ASCC3: variants seen among roughly 807,000 people sequenced by gnomAD.
ASCC3 encodes the protein ASC-1 complex subunit P200.
ASCC3 carries 158 observed loss-of-function variants against 256.3 expected under a neutral mutation model. The observed-to-expected ratio is 0.62, with a 90% CI of 0.54 to 0.70. The LOEUF (loss-of-function observed/expected upper bound fraction) is 0.70, where lower values mean the gene tolerates loss of function less well. Ranked by LOEUF, ASCC3 falls within the 30% of genes least tolerant of loss-of-function variation. The probability of loss-of-function intolerance (pLI) is 0.00; values close to 1 mark genes in which losing one functional copy is unlikely to be tolerated. For synonymous variants in ASCC3, 948 were observed against 883.4 expected (o/e 1.07, Z -1.30); for missense variants, 2,259 against 2,626.0 (o/e 0.86, Z 3.05).
chr6:100,594,509 A>G (rs1367610961), intron 34 of ASCC3, among the ~76,000 whole-genome samples: 2 of 152,150 alleles, frequency 1.3e-5, no homozygotes, highest in African/African-American at 4.8e-5. Flanking sequence ...AACACAGACA[A>G]TAATAAAAAG....
At chr6:100,831,915 A>G (rs375093433) in intron 4 of ASCC3, among the ~76,000 whole-genome samples, 1 of 152,262 alleles carries the variant, frequency 6.6e-6, no homozygotes, top group Middle Eastern at 3.4e-3. Context: ...GGATATAAAA[A>G]GAAACATGCA....
At chr6:100,679,069 T>C (rs2114963396) in intron 14 of ASCC3, among the ~76,000 whole-genome samples, 1 of 152,334 alleles carries the variant, frequency 6.6e-6, no homozygotes, top group African/African-American at 2.4e-5. Context: ...GATTCTGGTT[T>C]GGCGAGTCCG....
chr6:100,640,063 C>G (rs558152302), intron 24 of ASCC3, among the ~76,000 whole-genome samples: 1 of 152,080 alleles, frequency 6.6e-6, no homozygotes, highest in East Asian at 1.9e-4. Flanking sequence ...TGCAGTGAGC[C>G]CAGATCATCC....
At position 100,722,659 on chromosome 6, in the gene ASCC3, T is replaced by C. The variant is rs548877462; in HGVS notation, c.1902+2880A>G. On this transcript the variant is annotated intron_variant, in intron 11 of 41. Coordinates refer to ENST00000369162, the MANE Select transcript of ASCC3 (RefSeq NM_006828.4). The stretch of plus-strand genomic sequence containing the variant: ...TTCATTAACTGAATGAATGAATGAA[T>C]AAAAACATAAATATACTGCACATGT... 1.6e-3 allele frequency among the ~76,000 whole-genome samples: 239 copies of C among 151,904 alleles called. 2 individuals carry two copies. Among genetic ancestry groups the C allele is most frequent in the Middle Eastern group, 3.4e-3 (1 of 294 alleles).
intron 10 of ASCC3, among the ~76,000 whole-genome samples, chr6:100,755,366 C>CTTTTTT (rs56147910): frequency 6.7e-6 from 1 of 149,062 alleles, no homozygotes. Flanking sequence ...TGTGCTTCCT[C>CTTTTTT]TTTTTTTTTT....
intron 36 of ASCC3, among the ~76,000 whole-genome samples, chr6:100,565,598 A>C (rs891164406): frequency 1.3e-5 from 2 of 152,092 alleles, no homozygotes; most frequent in African/African-American, 4.8e-5. Context: ...GTGAAGGTTC[A>C]TTTTTTTACA....
intron 8 of ASCC3, among the ~76,000 whole-genome samples, chr6:100,792,306 T>C (rs1769387409): frequency 6.6e-6 from 1 of 151,962 alleles, no homozygotes; most frequent in Admixed American, 6.6e-5. Flanking sequence ...ACAATACATC[T>C]GAATAATTTA....
chr6:100,746,264 T>A (rs933100581), intron 10 of ASCC3, among the ~76,000 whole-genome samples: 1 of 151,788 alleles, frequency 6.6e-6, no homozygotes, highest in Non-Finnish European at 1.5e-5. Flanking sequence ...ATTTTACTTA[T>A]GCCATACTGC....
chr6:100,852,084 A>AC (rs1421166971), intron 3 of ASCC3, among the ~76,000 whole-genome samples: 1 of 152,164 alleles, frequency 6.6e-6, no homozygotes, highest in Non-Finnish European at 1.5e-5. Flanking sequence ...CAGACGAAGG[A>AC]CCCCAGGTGC....
chr6:100,739,195 T>C (rs980116733), intron 10 of ASCC3, among the ~76,000 whole-genome samples: 10 of 152,216 alleles, frequency 6.6e-5, no homozygotes, highest in African/African-American at 1.9e-4. Flanking sequence ...TCTATTGAGA[T>C]ATTCATGTGG....
intron 8 of ASCC3, among the ~76,000 whole-genome samples, chr6:100,772,588 G>A (rs1781996540): frequency 6.6e-6 from 1 of 152,178 alleles, no homozygotes; most frequent in Non-Finnish European, 1.5e-5. Context: ...ATACTCAGAA[G>A]AGATCACAGT....
intron 4 of ASCC3, among the ~76,000 whole-genome samples, chr6:100,815,339 C>A (rs1770689335): frequency 6.6e-6 from 1 of 151,854 alleles, no homozygotes; most frequent in African/African-American, 2.4e-5. Context: ...GGCCATACTG[C>A]CAAAACAATT....
intron 4 of ASCC3, among the ~76,000 whole-genome samples, chr6:100,840,059 C>T (rs1772062827): frequency 6.6e-6 from 1 of 152,066 alleles, no homozygotes; most frequent in Admixed American, 6.6e-5. Context: ...AAATTTTATC[C>T]CTTTTAAAGT....
At chr6:100,773,246 A>G (rs1364850750) in intron 8 of ASCC3, among the ~76,000 whole-genome samples, 1 of 152,168 alleles carries the variant, frequency 6.6e-6, no homozygotes, top group Non-Finnish European at 1.5e-5. Flanking sequence ...AATTAATGGT[A>G]GCTATTATTA....
Position 100,699,422 on chromosome 6 carries a change from C to T in ASCC3, c.2151+16040G>A, listed in dbSNP as rs370772703. Among the ~76,000 whole-genome samples, 8 of 152,284 alleles carry T rather than the reference C, an allele frequency of 5.3e-5. No individual in the cohort carries two copies. The East Asian group carries it at 1.2e-3, about 22-fold the overall frequency. Reference sequence around the variant, plus strand: ...CCTTCTGCCATGACTGTGAGGCCTCCTCAGCCATGTGGAACTGTAAGTATG... The same window carrying T: ...CCTTCTGCCATGACTGTGAGGCCTCTTCAGCCATGTGGAACTGTAAGTATG... On this transcript the variant is annotated intron_variant, in intron 13 of 41. Transcript: ENST00000369162.
intron 3 of ASCC3, among the ~76,000 whole-genome samples, chr6:100,851,285 T>C (rs967788285): frequency 6.6e-6 from 1 of 152,114 alleles, no homozygotes; most frequent in African/African-American, 2.4e-5. Context: ...CAAAATAAAT[T>C]TTAAAAATAA....
chr6:100,812,798 T>C (rs1770542058), intron 4 of ASCC3, among the ~76,000 whole-genome samples: 1 of 151,526 alleles, frequency 6.6e-6, no homozygotes, highest in East Asian at 2.0e-4. Context: ...GGTGTGGTGG[T>C]GCATGCCTGT....
intron 34 of ASCC3, among the ~76,000 whole-genome samples, chr6:100,595,267 C>A (rs1175291695): frequency 1.3e-5 from 2 of 151,168 alleles, no homozygotes; most frequent in Non-Finnish European, 3.0e-5. Context: ...CTGATTTGTT[C>A]ATTTCACAAT....
At chr6:100,527,164 A>T (rs1002060746) in intron 37 of ASCC3, among the ~76,000 whole-genome samples, 6 of 152,086 alleles carry the variant, frequency 3.9e-5, no homozygotes, top group Admixed American at 3.9e-4. Context: ...GATACAAAAG[A>T]CCCCAATGTA....
Sources: gnomAD v4.1 joint callset for allele counts (sites outside exome capture counted in the v4.1 genomes callset) on GRCh38, gnomAD v4.1.1 for gene constraint, MANE v1.5 for transcripts, NCBI Gene and HGNC (gene_info 2026-07-23, HGNC 2026-07-21) for gene names.